Variants in PDXK observed in about 807,000 individuals in gnomAD.
The protein encoded by PDXK is pyridoxal kinase.
Under a neutral mutation model 43.2 loss-of-function variants are expected in PDXK, and 15 were observed. The observed-to-expected ratio is 0.35, with a 90% CI of 0.23 to 0.53. The LOEUF (loss-of-function observed/expected upper bound fraction) is 0.53, where lower values mean the gene tolerates loss of function less well. PDXK is among the 20% of genes least tolerant of loss of function. The pLI, the probability that PDXK is intolerant of heterozygous loss-of-function variation, is 0.92. For synonymous variants in PDXK, 172 were observed against 165.4 expected, an observed-to-expected ratio of 1.04 and a Z score of -0.31; for missense variants, 343 against 417.0, an observed-to-expected ratio of 0.82 and a Z score of 1.54.
intron 1 of PDXK, among the ~76,000 whole-genome samples, chr21:43,724,116 G>A (rs997446648): frequency 1.3e-5 from 2 of 152,190 alleles, no homozygotes; most frequent in African/African-American, 2.4e-5. Flanking sequence ...GCAGGCAGCC[G>A]CATTCTTTCA....
chr21:43,719,266 GGCCCCGCGCC>G lies in PDXK; in HGVS notation c.-25_-16del. On this transcript the variant is annotated 5_prime_UTR_variant, in exon 1 of 11. Transcript: ENST00000291565. ...GCGGCGGAGACCGTGCCCCCGCCTCGGCCCCGCGCCGCCGCGGCCAGGCCCGGCATGGAGG... is the reference window on the plus strand; with the variant it reads ...GCGGCGGAGACCGTGCCCCCGCCTCGGCCGCGGCCAGGCCCGGCATGGAGG... 1 of 1,357,570 alleles carries G rather than the reference GGCCCCGCGCC, an allele frequency of 7.4e-7. No individual in the cohort carries two copies. Among genetic ancestry groups the G allele is most frequent in the Non-Finnish European group, 9.7e-7 (1 of 1,036,072 alleles). 84.1% of individuals were successfully genotyped at this position (1,357,570 alleles called of 1,614,324 possible).
Position 43,756,423 on chromosome 21 carries a change from T to A in PDXK, c.*360T>A. ...GAGTGGGCCCTGGCTGCCACTACCG[T>A]ACAGAGGCCGTGTCGCGCTGGGCTG... On this transcript the variant is annotated 3_prime_UTR_variant, in exon 11 of 11. Coordinates refer to ENST00000291565, the MANE Select transcript of PDXK (RefSeq NM_003681.5). The A allele has an allele frequency of 4.2e-6, 1 of 240,230 alleles. No homozygotes were observed. The highest frequency in any genetic ancestry group is 8.3e-6 in the Non-Finnish European group (1 of 119,768). The allele number at this position is 240,230 out of a possible 1,614,324, so 14.9% of individuals were successfully genotyped here.
At chr21:43,722,606 T>C (rs1216985364) in intron 1 of PDXK, among the ~76,000 whole-genome samples, 2 of 151,848 alleles carry the variant, frequency 1.3e-5, no homozygotes, top group African/African-American at 2.4e-5. Flanking sequence ...GAGACCAGGG[T>C]GTGGGCAGGG....
intron 5 of PDXK, among the ~76,000 whole-genome samples, chr21:43,748,774 G>A (rs2083681957): frequency 1.3e-5 from 2 of 151,972 alleles, no homozygotes; most frequent in South Asian, 2.1e-4. Context: ...GTCCTCCCTC[G>A]GCCCCTCGGA....
In PDXK at chr21:43,737,548, T is replaced by C; in HGVS notation, c.142+3425T>C. The C allele has an allele frequency of 9.9e-7, 1 of 1,011,920 alleles. No homozygotes were observed. The highest frequency in any genetic ancestry group is 3.9e-5 in the South Asian group (1 of 25,444). The allele number at this position is 1,011,920 out of a possible 1,614,324, so 62.7% of individuals were successfully genotyped here. On this transcript the variant is annotated intron_variant, in intron 2 of 10. Transcript: ENST00000291565. The surrounding 1 kb of genome is among the most constrained non-coding windows in gnomAD (Gnocchi z 4.8). ...GGTGGACGGGTTGCGCTGTCCTGGC[T>C]TTCGGAGTGTAGAGCCAGAGGGGAT...
intron 7 of PDXK, among the ~76,000 whole-genome samples, chr21:43,750,765 G>A (rs1044314381): frequency 8.1e-6 from 1 of 123,258 alleles, no homozygotes; most frequent in Admixed American, 8.7e-5. Context: ...GTGCGTGTGT[G>A]CGCGCGTATT....
In PDXK at chr21:43,738,039, G is replaced by A. The variant is rs370403637; in HGVS notation, c.143-3628G>A. ...TGTGTCTGAGACCCGGCCAAGTGCT[G>A]GACGTCTCCCCTTCCTCATGGCTGT... On this transcript the variant is annotated intron_variant, in intron 2 of 10. Coordinates refer to ENST00000291565, the MANE Select transcript of PDXK (RefSeq NM_003681.5). 72 of 985,500 alleles carry A rather than the reference G, an allele frequency of 7.3e-5. No homozygotes were observed. The East Asian group carries it at 5.0e-3, about 68-fold the overall frequency. 61.0% of individuals were successfully genotyped at this position (985,500 alleles called of 1,614,324 possible). A position where few individuals can be genotyped will look rare whatever the true frequency, so the allele number is the denominator to read the frequency against.
At chr21:43,736,718 G>C (rs1365761222) in intron 2 of PDXK, among the ~76,000 whole-genome samples, 2 of 144,304 alleles carry the variant, frequency 1.4e-5, no homozygotes, top group East Asian at 4.1e-4. Flanking sequence ...CTGCAGCCTT[G>C]ACTTCCTGAG....
rs1047063413 is a variant in PDXK at position 43,738,017 on chromosome 21, G to A, written c.143-3650G>A. 5 of 985,372 alleles carry A rather than the reference G, an allele frequency of 5.1e-6. No homozygotes were observed. The African/African-American group carries it at 8.7e-5, about 17-fold the overall frequency. The allele number at this position is 985,372 out of a possible 1,614,324, so 61.0% of individuals were successfully genotyped here. A position where few individuals can be genotyped will look rare whatever the true frequency, so the allele number is the denominator to read the frequency against. On this transcript the variant is annotated intron_variant, in intron 2 of 10. Transcript: ENST00000291565. The stretch of plus-strand genomic sequence containing the variant: ...GGCCTCAGAGGGGCCTGGGGCCTGT[G>A]TCTGAGACCCGGCCAAGTGCTGGAC...
At chr21:43,721,457 T>C (rs893086013) in intron 1 of PDXK, among the ~76,000 whole-genome samples, 1 of 152,240 alleles carries the variant, frequency 6.6e-6, no homozygotes, top group African/African-American at 2.4e-5. Flanking sequence ...CAAGGCTACT[T>C]GGAATGAGAC....
At chr21:43,731,987 G>T (rs1436877735) in intron 1 of PDXK, among the ~76,000 whole-genome samples, 4 of 152,210 alleles carry the variant, frequency 2.6e-5, no homozygotes, top group Non-Finnish European at 5.9e-5. Flanking sequence ...GTCTGTGGGG[G>T]CATGCGATGA....
In PDXK at chr21:43,737,914, G is replaced by A; in HGVS notation, c.143-3753G>A. 1 of 985,486 alleles carries A rather than the reference G, an allele frequency of 1.0e-6. No homozygotes were observed. The highest frequency in any genetic ancestry group is 4.7e-5 in the South Asian group (1 of 21,282). The allele number at this position is 985,486 out of a possible 1,614,324, so 61.0% of individuals were successfully genotyped here. A position where few individuals can be genotyped will look rare whatever the true frequency, so the allele number is the denominator to read the frequency against. The stretch of plus-strand genomic sequence containing the variant: ...TTGGAGAAGGTTCTTGTGGGCTCTG[G>A]GCCCATCCCACATCCCACAGTGGGC... On this transcript the variant is annotated intron_variant, in intron 2 of 10. Transcript: ENST00000291565. This position sits in a 1 kb window ranked among gnomAD's most constrained non-coding sequence, Gnocchi z 4.8.
At chr21:43,755,875 C>G in intron 10 of PDXK, 76 bp from the exon 11 acceptor site, 2 of 1,433,154 alleles carry the variant, frequency 1.4e-6, no homozygotes, top group Admixed American at 3.4e-5. Context: ...CTCCTGCTGA[C>G]CTCACCTCTG....
At position 43,757,618 on chromosome 21, in the gene PDXK, T is replaced by G. The variant is rs1403304189; in HGVS notation, c.*1555T>G. 1 of 112,696 alleles carries G rather than the reference T, an allele frequency of 8.9e-6. No individual in the cohort carries two copies. The highest frequency in any genetic ancestry group is 1.8e-5 in the Non-Finnish European group (1 of 54,436). 7.0% of individuals were successfully genotyped at this position (112,696 alleles called of 1,614,324 possible). Reference sequence around the variant, plus strand: ...AGGTTTATATGGAACCCCCACCCCCTCCCCCACTCTCCCACTCTGTTCGTT... The same window carrying G: ...AGGTTTATATGGAACCCCCACCCCCGCCCCCACTCTCCCACTCTGTTCGTT... On this transcript the variant is annotated 3_prime_UTR_variant, in exon 11 of 11. Transcript: ENST00000291565.
chr21:43,752,550 C>A lies in PDXK; in HGVS notation c.543C>A (p.Asp181Glu), dbSNP rs372855286. Residue 181 changes from aspartate to glutamate, a missense_variant, in exon 8 of 11, where the codon GAC (aspartate) becomes GAA (glutamate). Physicochemically the swap from Asp to Glu is conservative, Grantham distance 45. Transcript: ENST00000291565. The part of the protein sequence containing the change: ...VMDMLHSMGP[D>E]TVVITSSDLP... ...ACATGCTGCACTCTATGGGCCCCGA[C>A]ACCGTGGTCATCACCAGCTCCGACC... 21 of 1,612,428 alleles carry A rather than the reference C, an allele frequency of 1.3e-5. No homozygotes were observed. Among genetic ancestry groups the A allele is most frequent in the Non-Finnish European group, 1.4e-5 (16 of 1,179,874 alleles).
At chr21:43,745,037 A>C (rs2329596) in intron 4 of PDXK, among the ~76,000 whole-genome samples, 2,468 of 152,304 alleles carry the variant, frequency 0.016, 72 homozygotes, top group African/African-American at 0.055. Context: ...CGATCCCGCT[A>C]TCTGAAATAG....
At chr21:43,736,822 G>A (rs193086567) in intron 2 of PDXK, 154 of 657,128 alleles carry the variant, frequency 2.3e-4, no homozygotes, top group South Asian at 2.1e-3. Context: ...TCATAGAGAC[G>A]GAGTCTCACT....
At chr21:43,728,161 T>TG (rs1329085755) in intron 1 of PDXK, among the ~76,000 whole-genome samples, 10 of 152,076 alleles carry the variant, frequency 6.6e-5, no homozygotes, top group African/African-American at 1.9e-4. Context: ...GAGACTGCTC[T>TG]GGGGGGCTCG....
intron 1 of PDXK, chr21:43,733,643 T>G: frequency 9.5e-7 from 1 of 1,055,226 alleles, no homozygotes; most frequent in Non-Finnish European, 1.1e-6. Context: ...AGGGGTGGGG[T>G]AGACGCCCAC....
Sources: allele counts gnomAD v4.1 joint callset (sites outside exome capture counted in the v4.1 genomes callset), GRCh38; gene constraint gnomAD v4.1.1; non-coding constraint Gnocchi (gnomAD v3.1); transcripts MANE v1.5; gene names NCBI Gene and HGNC (gene_info 2026-07-23, HGNC 2026-07-21).